Variants in VWCE observed in about 807,000 individuals in gnomAD.
VWCE encodes von Willebrand factor C and EGF domain-containing protein.
Under a neutral mutation model 102.9 loss-of-function variants are expected in VWCE, and 68 were observed. The ratio of observed to expected loss-of-function variants is 0.66; its 90% CI spans 0.54 to 0.81. The LOEUF is 0.81. Ranked by LOEUF, VWCE falls within the 30% of genes least tolerant of loss-of-function variation. The probability of loss-of-function intolerance (pLI) is 0.00; values close to 1 mark genes in which losing one functional copy is unlikely to be tolerated. For synonymous variants in VWCE, 497 were observed against 515.4 expected (o/e 0.96, Z 0.48); for missense variants, 1,137 against 1,263.6 (o/e 0.90, Z 1.52).
At chr11:61,267,784 C>T (rs1854557500) in intron 15 of VWCE, among the ~76,000 whole-genome samples, 1 of 152,208 alleles carries the variant, frequency 6.6e-6, no homozygotes. Flanking sequence ...AGTGTCCTCA[C>T]CCTGAAGAGT....
In VWCE at chr11:61,272,748, AACTT is replaced by A. The variant is rs1346924836; in HGVS notation, c.1699+447_1699+450del. On this transcript the variant is annotated intron_variant, in intron 13 of 19. Transcript: ENST00000335613. ...CACACTACTCACACACAGACACACA[AACTT>A]ACTCTCACGCAGACACACTCATACA... Among the ~76,000 whole-genome samples the A allele has an allele frequency of 3.3e-5, 5 of 151,388 alleles. No individual in the cohort carries two copies. In the East Asian group the frequency reaches 7.8e-4, roughly 24 times the overall value.
At position 61,273,203 on chromosome 11, in the gene VWCE, C is replaced by A; in HGVS notation, c.1695G>T (p.Ser565=). The change falls in exon 13 of 20, where the codon TCG becomes TCT. Residue 565 remains serine, a synonymous_variant. Transcript: ENST00000335613. The part of the protein sequence containing the change: ...CCFTCQEPTP[S]TGCSLDDNGV... ...GGCAGCCCTGGACCAGCTCACCTGT[C>A]GAGGGTGTGGGCTCCTGGCAGGTGA... is the stretch of plus-strand genomic sequence containing the variant. The A allele has an allele frequency of 6.2e-7, 1 of 1,613,936 alleles. No homozygotes were observed. The highest frequency in any genetic ancestry group is 8.5e-7 in the Non-Finnish European group (1 of 1,179,972).
intron 1 of VWCE, among the ~76,000 whole-genome samples, chr11:61,293,241 CAAAAAAAAAAAA>C (rs764741197): frequency 2.2e-4 from 4 of 18,050 alleles, no homozygotes; most frequent in African/African-American, 3.9e-4. Flanking sequence ...AACTCCATCT[CAAAAAAAAAAAA>C]AAAAAAAAAA....
At chr11:61,281,314 C>A in intron 7 of VWCE, 79 bp from the exon 8 acceptor site, 1 of 1,522,242 alleles carries the variant, frequency 6.6e-7, no homozygotes, top group South Asian at 1.2e-5. Flanking sequence ...GGGCTCGGCT[C>A]CACCACCACA....
At chr11:61,280,506 A>G (rs1256843457) in intron 9 of VWCE, 118 bp downstream of exon 9, 1 of 1,035,318 alleles carries the variant, frequency 9.7e-7, no homozygotes, top group Non-Finnish European at 1.4e-6. Context: ...AGTGTGGCTT[A>G]GTAAACCCTC....
intron 4 of VWCE, among the ~76,000 whole-genome samples, chr11:61,286,913 T>C (rs1428865983): frequency 2.0e-5 from 3 of 151,666 alleles, no homozygotes; most frequent in Non-Finnish European, 4.4e-5. Flanking sequence ...CTGGCTAACA[T>C]GGTGAAACCC....
chr11:61,264,712 C>A, intron 18 of VWCE, 135 bp from the exon 19 acceptor site: 1 of 1,042,988 alleles, frequency 9.6e-7, no homozygotes, highest in South Asian at 1.6e-5. Context: ...TGCCTGAGCC[C>A]TCGCCTGGAG....
chr11:61,262,102 C>T (rs1443657894), intron 19 of VWCE, among the ~76,000 whole-genome samples: 1 of 152,118 alleles, frequency 6.6e-6, no homozygotes. Flanking sequence ...TACAGGTGTG[C>T]ACCAACATGC....
chr11:61,292,184 C>G (rs1423746005), intron 1 of VWCE, among the ~76,000 whole-genome samples: 2 of 151,614 alleles, frequency 1.3e-5, no homozygotes, highest in Non-Finnish European at 2.9e-5. Context: ...GTTGGCGCCA[C>G]TGCCCTTCAG....
chr11:61,280,896 G>A lies in VWCE; in HGVS notation c.1127C>T (p.Ser376Phe). Residue 376 changes from serine to phenylalanine, a missense_variant, in exon 8 of 20, where the codon TCC (serine) becomes TTC (phenylalanine). By Grantham distance (155) the Ser-to-Phe change is radical. Around this residue, in one of 5 missense-constraint regions of VWCE, gnomAD observed 575 missense variants for 625.9 expected, o/e 0.92. Transcript: ENST00000335613. ...GTPSSPRGPE[S>F]PRLAAGPSPC... The stretch of plus-strand genomic sequence containing the variant: ...AGAGGGCCCTGCTGCCAGTCGGGGG[G>A]ACTCAGGGCCCCTGGGTGAGGAAGG... 6.5e-7 allele frequency: 1 copy of A among 1,531,202 alleles called. No homozygotes were observed. The highest frequency in any genetic ancestry group is 8.8e-7 in the Non-Finnish European group (1 of 1,141,332). 94.9% of individuals were successfully genotyped at this position (1,531,202 alleles called of 1,614,324 possible).
chr11:61,260,264 T>TA (rs1190796485), intron 19 of VWCE, among the ~76,000 whole-genome samples: 3 of 151,920 alleles, frequency 2.0e-5, no homozygotes, highest in Non-Finnish European at 4.4e-5. Flanking sequence ...CACCAAAATT[T>TA]AAAAAAAGGC....
chr11:61,260,287 TG>T (rs1163537341), intron 19 of VWCE, among the ~76,000 whole-genome samples: 3 of 151,204 alleles, frequency 2.0e-5, no homozygotes, highest in Non-Finnish European at 1.5e-5. Context: ...TTTTTTGGGG[TG>T]GGGGGGACAG....
chr11:61,291,218 A>G (rs1049799016), intron 3 of VWCE, 46 bp downstream of exon 3: 1 of 1,496,662 alleles, frequency 6.7e-7, no homozygotes, highest in Non-Finnish European at 9.0e-7. Flanking sequence ...CATAACCTCA[A>G]TGCTCATTCA....
Position 61,294,897 on chromosome 11 carries a change from G to A in VWCE, c.110+31C>T, listed in dbSNP as rs1047214498. On this transcript the variant is annotated intron_variant, in intron 1 of 19. Transcript: ENST00000335613. This position sits in a 1 kb window ranked among gnomAD's most constrained non-coding sequence, Gnocchi z 6.3. ...GCACGCCGGTAGCGCTCTCCCGGGC[G>A]GGGGAGCGGGGAGGAGCTCCGGGCG... 38 of 1,347,866 alleles carry A rather than the reference G, an allele frequency of 2.8e-5. No individual in the cohort carries two copies. Among genetic ancestry groups the A allele is most frequent in the Non-Finnish European group, 1.9e-6 (2 of 1,039,046 alleles). 83.5% of individuals were successfully genotyped at this position (1,347,866 alleles called of 1,614,324 possible).
Position 61,264,087 on chromosome 11 carries a change from G to T in VWCE, c.2230+400C>A, listed in dbSNP as rs536769475. Among the ~76,000 whole-genome samples the T allele has an allele frequency of 5.9e-5, 9 of 151,926 alleles. No homozygotes were observed. The East Asian group carries it at 7.7e-4, about 13-fold the overall frequency. On this transcript the variant is annotated intron_variant, in intron 19 of 19. Coordinates refer to ENST00000335613, the MANE Select transcript of VWCE (RefSeq NM_152718.2). ...AAAAATACAAAAAAATTAGCCAGGC[G>T]TAGTGGCAGGCACCTGTAGTCCCAG...
rs1159092243 is a variant in VWCE at position 61,258,978 on chromosome 11, G to A, written c.2565C>T (p.Pro855=). The change falls in exon 20 of 20, where the codon CCC becomes CCT. Residue 855 remains proline, a synonymous_variant. Transcript: ENST00000335613. ...SPGPSTPPGA[P]TLPLASPGAP... ...CCCCTGGGGAAGCTAGAGGTAGAGTGGGGGCTCCTGGAGGGGTCGAAGGCC... is the reference window on the plus strand; with the variant it reads ...CCCCTGGGGAAGCTAGAGGTAGAGTAGGGGCTCCTGGAGGGGTCGAAGGCC... 6.3e-7 allele frequency: 1 copy of A among 1,598,860 alleles called. No individual in the cohort carries two copies.
chr11:61,271,597 G>T, intron 14 of VWCE, 78 bp downstream of exon 14: 2 of 1,405,122 alleles, frequency 1.4e-6, no homozygotes, highest in Non-Finnish European at 2.0e-6. Flanking sequence ...GCCTCTGGAG[G>T]GGCCAGGACG....
At chr11:61,285,759 T>C (rs1855300022) in intron 5 of VWCE, among the ~76,000 whole-genome samples, 1 of 152,104 alleles carries the variant, frequency 6.6e-6, no homozygotes, top group Admixed American at 6.5e-5. Context: ...CAGCAGCAGG[T>C]ACTTTGTTTT....
intron 6 of VWCE, chr11:61,282,546 G>A (rs1274950812): frequency 6.4e-6 from 3 of 465,476 alleles, no homozygotes; most frequent in Admixed American, 3.7e-5. Flanking sequence ...TCTGGGAGAG[G>A]AGCGGAAGAG....
Sources: gnomAD v4.1 joint callset for allele counts (sites outside exome capture counted in the v4.1 genomes callset) on GRCh38, gnomAD v4.1.1 for gene constraint, gnomAD v4.1.1 regional missense constraint, Gnocchi (gnomAD v3.1) non-coding constraint, MANE v1.5 for transcripts, NCBI Gene and HGNC (gene_info 2026-07-23, HGNC 2026-07-21) for gene names.